Variants in NOD1 observed in about 807,000 individuals in gnomAD.
NOD1 encodes the protein nucleotide binding oligomerization domain containing 1.
NOD1 carries 70 observed loss-of-function variants against 81.2 expected under a neutral mutation model. That is an observed-to-expected ratio of 0.86 (90% confidence interval 0.71 to 1.05). The LOEUF (loss-of-function observed/expected upper bound fraction) is 1.05, where lower values mean the gene tolerates loss of function less well. Among genes scored for constraint, NOD1 ranks in the 50% least tolerant of loss-of-function variants. NOD1 has a pLI of 0.00. For synonymous variants in NOD1, 508 were observed against 526.9 expected (o/e 0.96, Z 0.49); for missense variants, 1,233 against 1,228.0 (o/e 1.00, Z -0.06).
rs1377324711 is a variant in NOD1 at position 30,478,366 on chromosome 7, C to A, written c.-352+240G>T. 6.6e-6 allele frequency among the ~76,000 whole-genome samples: 1 copy of A among 152,184 alleles called. No individual in the cohort carries two copies. The highest frequency in any genetic ancestry group is 2.4e-5 in the African/African-American group (1 of 41,440). On this transcript the variant is annotated intron_variant, in intron 1 of 13. Transcript: ENST00000222823. This position sits in a 1 kb window ranked among gnomAD's most constrained non-coding sequence, Gnocchi z 4.1. The stretch of plus-strand genomic sequence containing the variant: ...TCTAAGCTGCTGGCACGATTGAGAA[C>A]CCCTGCGTTCGACCACAGTGGGATA...
Position 30,451,971 on chromosome 7 carries a change from C to T in NOD1, c.1446G>A (p.Glu482=). 2 of 1,613,578 alleles carry T rather than the reference C, an allele frequency of 1.2e-6. No individual in the cohort carries two copies. Among genetic ancestry groups the T allele is most frequent in the Non-Finnish European group, 1.7e-6 (2 of 1,180,002 alleles). ...EKSLFVFTQE[E]VQASGLQERD... ...TCTCCTGCAGCCCGGAGGCCTGCAC[C>T]TCCTCCTGGGTGAAGACAAAGAGGC... Residue 482 remains glutamate, a synonymous_variant, in exon 6 of 14, where the codon GAG becomes GAA. Coordinates refer to ENST00000222823, the MANE Select transcript of NOD1 (RefSeq NM_006092.4). This position sits in a 1 kb window ranked among gnomAD's most constrained non-coding sequence, Gnocchi z 4.2.
chr7:30,433,187 A>T lies in NOD1; in HGVS notation c.2622-8T>A, dbSNP rs1784091660. On this transcript the variant is annotated splice_polypyrimidine_tract_variant and splice_region_variant and intron_variant, in intron 11 of 13. Transcript: ENST00000222823. Reference sequence around the variant, plus strand: ...AGTTCATTTTGGGTCAGCCTAAGGAAAAAAAAGGAAGTATTTACTCAAGAG... The same window carrying T: ...AGTTCATTTTGGGTCAGCCTAAGGATAAAAAAGGAAGTATTTACTCAAGAG... 1 of 1,610,026 alleles carries T rather than the reference A, an allele frequency of 6.2e-7. No individual in the cohort carries two copies. Among genetic ancestry groups the T allele is most frequent in the Non-Finnish European group, 8.5e-7 (1 of 1,176,630 alleles).
intron 1 of NOD1, among the ~76,000 whole-genome samples, chr7:30,469,791 C>T (rs143737061): frequency 8.5e-5 from 13 of 152,344 alleles, no homozygotes; most frequent in African/African-American, 3.1e-4. Context: ...TGGACTTGTC[C>T]GGATCAATCA....
chr7:30,437,537 C>T, intron 10 of NOD1, 36 bp downstream of exon 10: 7 of 1,382,170 alleles, frequency 5.1e-6, no homozygotes, highest in Non-Finnish European at 6.7e-6. Flanking sequence ...TGGGAGGGAC[C>T]AGGTTGGCCC....
intron 9 of NOD1, among the ~76,000 whole-genome samples, chr7:30,445,756 C>CAAAAAA (rs35669955): frequency 1.1e-4 from 4 of 36,070 alleles, no homozygotes; most frequent in African/African-American, 4.3e-4. Context: ...GAGACTCTGT[C>CAAAAAA]AAAAAAAAAA....
rs199741743 is a variant in NOD1 at position 30,451,230 on chromosome 7, G to A, written c.2187C>T (p.Arg729=). 1.2e-4 allele frequency: 200 copies of A among 1,613,280 alleles called. 2 individuals carry two copies. In the East Asian group the frequency reaches 4.1e-3, roughly 33 times the overall value. ...GVRELQPCFS[R]LTVLRLSVNQ... is the part of the protein sequence containing the mutation. Reference sequence around the variant, plus strand: ...GGCAGCCTCACCTGAGAACAGTGAGGCGGCTGAAGCAGGGCTGCAGCTCCC... The same window carrying A: ...GGCAGCCTCACCTGAGAACAGTGAGACGGCTGAAGCAGGGCTGCAGCTCCC... The change falls in exon 6 of 14, where the codon CGC becomes CGT. Residue 729 remains arginine, a synonymous_variant. Coordinates refer to ENST00000222823, the MANE Select transcript of NOD1 (RefSeq NM_006092.4). The surrounding 1 kb of genome is among the most constrained non-coding windows in gnomAD (Gnocchi z 4.2).
chr7:30,454,526 C>T (rs1447893390), intron 5 of NOD1, among the ~76,000 whole-genome samples: 1 of 152,230 alleles, frequency 6.6e-6, no homozygotes, highest in Non-Finnish European at 1.5e-5. Flanking sequence ...ACTTATTGAA[C>T]TAATCAGTTA....
intron 1 of NOD1, among the ~76,000 whole-genome samples, chr7:30,466,354 T>C (rs1445123673): frequency 6.6e-6 from 1 of 152,136 alleles, no homozygotes; most frequent in Non-Finnish European, 1.5e-5. Flanking sequence ...GCTTAATTTA[T>C]CAATGTGCAA....
intron 11 of NOD1, among the ~76,000 whole-genome samples, chr7:30,435,050 T>A (rs192117699): frequency 6.6e-6 from 1 of 152,150 alleles, no homozygotes; most frequent in East Asian, 1.9e-4. Flanking sequence ...GGATTACAGA[T>A]GTGAGTCACT....
In NOD1 at chr7:30,465,970, A is replaced by G. The variant is rs537744379; in HGVS notation, c.-351-5929T>C. 2.0e-5 allele frequency among the ~76,000 whole-genome samples: 3 copies of G among 152,388 alleles called. No homozygotes were observed. In the East Asian group the frequency reaches 5.8e-4, roughly 29 times the overall value. ...ATGGAACCTGGCCCAGTGCCATGCC[A>G]TCTGCCTCTGCTCCTGTCCTGACCC... On this transcript the variant is annotated intron_variant, in intron 1 of 13. Coordinates refer to ENST00000222823, the MANE Select transcript of NOD1 (RefSeq NM_006092.4).
intron 10 of NOD1, 39 bp from the exon 11 acceptor site, chr7:30,436,120 C>G: frequency 6.8e-7 from 1 of 1,467,624 alleles, no homozygotes. Flanking sequence ...ATTAAAGACA[C>G]ATCTACATTC....
chr7:30,434,334 G>T (rs185356003), intron 11 of NOD1, among the ~76,000 whole-genome samples: 1 of 152,338 alleles, frequency 6.6e-6, no homozygotes, highest in Non-Finnish European at 1.5e-5. Context: ...CTATCCATGT[G>T]ATTTCACTCT....
Position 30,451,209 on chromosome 7 carries a change from G to C in NOD1, c.2201+7C>G. 1 of 1,608,210 alleles carries C rather than the reference G, an allele frequency of 6.2e-7. No individual in the cohort carries two copies. On this transcript the variant is annotated splice_region_variant and intron_variant, in intron 6 of 13. Coordinates refer to ENST00000222823, the MANE Select transcript of NOD1 (RefSeq NM_006092.4). The surrounding 1 kb of genome is among the most constrained non-coding windows in gnomAD (Gnocchi z 4.2). Reference sequence around the variant, plus strand: ...CACCTGTTGCTCCCCTTGCCTGGCAGCCTCACCTGAGAACAGTGAGGCGGC... The same window carrying C: ...CACCTGTTGCTCCCCTTGCCTGGCACCCTCACCTGAGAACAGTGAGGCGGC...
chr7:30,446,430 GA>G, intron 8 of NOD1: 1 of 579,140 alleles, frequency 1.7e-6, no homozygotes. Flanking sequence ...CTCTCCAGGA[GA>G]TGGTCCACAG....
At chr7:30,429,508 G>T in intron 12 of NOD1, 51 bp from the exon 13 acceptor site, 1 of 1,536,984 alleles carries the variant, frequency 6.5e-7, no homozygotes, top group Non-Finnish European at 9.0e-7. Context: ...GATCAAATTT[G>T]ACCCCTTCGT....
At chr7:30,429,317 G>GTGGTGGTGAGTAAACAGTCAC in intron 13 of NOD1, 57 bp downstream of exon 13, 1 of 1,410,848 alleles carries the variant, frequency 7.1e-7, no homozygotes, top group East Asian at 2.3e-5. Context: ...TGCACAGTCA[G>GTGGTGGTGAGTAAACAGTCAC]TGGTGGTGAG....
At chr7:30,436,168 T>C (rs1784363981) in intron 10 of NOD1, 87 bp from the exon 11 acceptor site, 1 of 1,076,238 alleles carries the variant, frequency 9.3e-7, no homozygotes, top group Non-Finnish European at 1.4e-6. Context: ...GGGAAGCCTC[T>C]GCCTGGCTGT....
intron 1 of NOD1, among the ~76,000 whole-genome samples, chr7:30,465,380 T>A (rs1480724175): frequency 6.6e-6 from 1 of 152,226 alleles, no homozygotes; most frequent in Non-Finnish European, 1.5e-5. Context: ...ATAGCCTCAG[T>A]GTGCCCCTGT....
chr7:30,435,988 G>T lies in NOD1; in HGVS notation c.2621+10C>A. The T allele has an allele frequency of 6.2e-7, 1 of 1,606,174 alleles. No individual in the cohort carries two copies. The highest frequency in any genetic ancestry group is 8.5e-7 in the Non-Finnish European group (1 of 1,172,748). ...AACAAACAAACAAATGAAATGACTC[G>T]AGCTATTACCACAGTATTTCTAGAG... On this transcript the variant is annotated intron_variant, in intron 11 of 13. Transcript: ENST00000222823.
Sources: gnomAD v4.1 joint callset for allele counts (sites outside exome capture counted in the v4.1 genomes callset) on GRCh38, gnomAD v4.1.1 for gene constraint, Gnocchi (gnomAD v3.1) non-coding constraint, MANE v1.5 for transcripts, NCBI Gene and HGNC (gene_info 2026-07-23, HGNC 2026-07-21) for gene names.